The following MAGI1 variants were observed in gnomAD, a reference collection of about 807,000 sequenced individuals.
MAGI1 encodes membrane associated guanylate kinase, WW and PDZ domain containing 1.
A neutral mutation model predicts 139.9 loss-of-function variants in MAGI1; 58 were observed. That is an observed-to-expected ratio of 0.41 (90% CI 0.34 to 0.52). The LOEUF (loss-of-function observed/expected upper bound fraction) is 0.52, where lower values mean the gene tolerates loss of function less well. Among genes scored for constraint, MAGI1 ranks in the 20% least tolerant of loss-of-function variants. MAGI1 has a pLI of 0.12. For synonymous variants in MAGI1, 812 were observed against 737.9 expected (o/e 1.10, Z -1.63); for missense variants, 1,874 against 1,901.6 (o/e 0.99, Z 0.27).
At chr3:65,778,490 A>C (rs2038665483) in intron 1 of MAGI1, among the ~76,000 whole-genome samples, 1 of 151,102 alleles carries the variant, frequency 6.6e-6, no homozygotes, top group Non-Finnish European at 1.5e-5. Context: ...TTCAAAGGGA[A>C]GATAACATTT....
chr3:65,427,385 T>A (rs1306820254), intron 12 of MAGI1, among the ~76,000 whole-genome samples: 1 of 152,186 alleles, frequency 6.6e-6, no homozygotes, highest in Non-Finnish European at 1.5e-5. Context: ...GGCGAATTCA[T>A]TACAATATGG....
chr3:65,725,856 C>A (rs1352019851), intron 1 of MAGI1, among the ~76,000 whole-genome samples: 1 of 151,950 alleles, frequency 6.6e-6, no homozygotes, highest in Non-Finnish European at 1.5e-5. Context: ...TTAGAAAAGT[C>A]TATGCATAAC....
At chr3:65,375,346 G>A (rs138007287) in intron 18 of MAGI1, among the ~76,000 whole-genome samples, 10,895 of 151,864 alleles carry the variant, frequency 0.072, 528 homozygotes, top group African/African-American at 0.14. Context: ...CCGCCACCGC[G>A]CCCGGCTAAT....
intron 1 of MAGI1, among the ~76,000 whole-genome samples, chr3:65,685,209 G>A (rs1056657444): frequency 6.6e-6 from 1 of 151,426 alleles, no homozygotes; most frequent in Non-Finnish European, 1.5e-5. Flanking sequence ...GTATCATTAA[G>A]ATGCATACTG....
intron 1 of MAGI1, among the ~76,000 whole-genome samples, chr3:65,917,705 A>G (rs933359753): frequency 9.9e-5 from 15 of 152,204 alleles, no homozygotes; most frequent in Non-Finnish European, 2.1e-4. Flanking sequence ...TACATACTAT[A>G]TGATTCCAAT....
chr3:65,361,827 A>G (rs1433774191), intron 21 of MAGI1, among the ~76,000 whole-genome samples: 1 of 152,226 alleles, frequency 6.6e-6, no homozygotes, highest in Non-Finnish European at 1.5e-5. Context: ...TATCCTCTGG[A>G]GTCCCATGAT....
chr3:65,955,606 C>A lies in MAGI1; in HGVS notation c.313+82390G>T, dbSNP rs554950264. Among the ~76,000 whole-genome samples the A allele has an allele frequency of 1.5e-3, 233 of 152,246 alleles. 2 individuals are homozygous for A. Among genetic ancestry groups the A allele is most frequent in the African/African-American group, 5.2e-3 (217 of 41,552 alleles). On this transcript the variant is annotated intron_variant, in intron 1 of 22. Coordinates refer to ENST00000402939, the MANE Select transcript of MAGI1 (RefSeq NM_001033057.2). ...AATATCGCTGCTAGGAGAAGAAATG[C>A]AAAACCATATAACATTTTTGCCTTT...
At chr3:65,940,743 A>G (rs921981969) in intron 1 of MAGI1, among the ~76,000 whole-genome samples, 1 of 152,242 alleles carries the variant, frequency 6.6e-6, no homozygotes, top group Non-Finnish European at 1.5e-5. Context: ...GGAGTAAACA[A>G]AATAAATGTA....
chr3:65,714,822 T>G (rs1015650185), intron 1 of MAGI1, among the ~76,000 whole-genome samples: 1 of 152,010 alleles, frequency 6.6e-6, no homozygotes, highest in Non-Finnish European at 1.5e-5. Flanking sequence ...CAACACCAAT[T>G]TAAATCATCT....
At chr3:65,597,925 T>TGGGGGGG (rs57059846) in intron 2 of MAGI1, 6 of 396,990 alleles carry the variant, frequency 1.5e-5, no homozygotes, top group African/African-American at 2.6e-5. Context: ...GAGGCGGGGG[T>TGGGGGGG]GGGGGGGGGG....
chr3:65,929,899 C>G (rs1403446339), intron 1 of MAGI1, among the ~76,000 whole-genome samples: 1 of 152,158 alleles, frequency 6.6e-6, no homozygotes, highest in Admixed American at 6.5e-5. Context: ...TTGACTTTTA[C>G]TAAGAGTTAT....
intron 1 of MAGI1, among the ~76,000 whole-genome samples, chr3:65,899,144 T>C (rs1320686200): frequency 6.6e-6 from 1 of 152,142 alleles, no homozygotes; most frequent in African/African-American, 2.4e-5. Context: ...CTGGAACTCC[T>C]GGGCTCAAGC....
At chr3:65,776,701 C>CA (rs2038467406) in intron 1 of MAGI1, among the ~76,000 whole-genome samples, 1 of 152,146 alleles carries the variant, frequency 6.6e-6, no homozygotes, top group African/African-American at 2.4e-5. Flanking sequence ...ACTCCCCCCG[C>CA]AACACACACA....
intron 1 of MAGI1, among the ~76,000 whole-genome samples, chr3:65,721,042 C>T (rs2032954428): frequency 6.6e-6 from 1 of 152,010 alleles, no homozygotes; most frequent in Non-Finnish European, 1.5e-5. Context: ...ACCTGAAATC[C>T]CTGGCCATTC....
chr3:65,448,993 G>A (rs1326789782), intron 6 of MAGI1, among the ~76,000 whole-genome samples: 3 of 151,952 alleles, frequency 2.0e-5, no homozygotes, highest in African/African-American at 7.3e-5. Flanking sequence ...TACGCTCAGT[G>A]CCCAGTGTAG....
intron 5 of MAGI1, among the ~76,000 whole-genome samples, chr3:65,463,016 T>C (rs1051364892): frequency 6.6e-6 from 1 of 152,234 alleles, no homozygotes; most frequent in Non-Finnish European, 1.5e-5. Flanking sequence ...AAGGAGTTTT[T>C]AGGCTGAGAT....
intron 13 of MAGI1, among the ~76,000 whole-genome samples, chr3:65,394,628 G>T (rs73832829): frequency 0.012 from 1,764 of 152,106 alleles, 30 homozygotes; most frequent in African/African-American, 0.041. Context: ...AATATCTTGT[G>T]GGCACTCTGG....
intron 1 of MAGI1, among the ~76,000 whole-genome samples, chr3:65,843,291 C>T (rs1457283422): frequency 6.6e-6 from 1 of 152,152 alleles, no homozygotes; most frequent in African/African-American, 2.4e-5. Context: ...GGAGCAAGGA[C>T]TGTCAACCAG....
At chr3:65,428,689 T>C (rs1455455491) in intron 12 of MAGI1, among the ~76,000 whole-genome samples, 2 of 152,158 alleles carry the variant, frequency 1.3e-5, no homozygotes, top group Admixed American at 6.5e-5. Flanking sequence ...CCTGGCTTTA[T>C]GGAGCTTTAT....
Sources: gnomAD v4.1 joint callset for allele counts (sites outside exome capture counted in the v4.1 genomes callset) on GRCh38, gnomAD v4.1.1 for gene constraint, MANE v1.5 for transcripts, NCBI Gene and HGNC (gene_info 2026-07-23, HGNC 2026-07-21) for gene names.